The following SNU13 variants were observed in gnomAD, a reference collection of about 807,000 sequenced individuals.
SNU13 encodes small nuclear ribonucleoprotein 13, also known as NHP2-like protein 1.
Under a neutral mutation model 12.4 loss-of-function variants are expected in SNU13, and 2 were observed. The observed-to-expected ratio is 0.16, with a 90% CI of 0.07 to 0.51. The LOEUF is 0.51. Among genes scored for constraint, SNU13 ranks in the 20% least tolerant of loss-of-function variants. SNU13 has a pLI of 0.96. For synonymous variants in SNU13, 68 were observed against 66.5 expected, an observed-to-expected ratio of 1.02 and a Z score of -0.11; for missense variants, 66 against 157.8, an observed-to-expected ratio of 0.42 and a Z score of 3.12.
chr22:41,684,505 G>T (rs1204039401), intron 1 of SNU13, among the ~76,000 whole-genome samples: 1 of 151,826 alleles, frequency 6.6e-6, no homozygotes, highest in South Asian at 2.1e-4. Flanking sequence ...CTGGTATGTG[G>T]TATTTTCATT....
chr22:41,689,085 G>A, upstream of SNU13: 2 of 1,152,848 alleles, frequency 1.7e-6, no homozygotes, highest in Non-Finnish European at 2.1e-6. Flanking sequence ...CCACCGGCCG[G>A]CCGCAGCGGC....
intron 1 of SNU13, among the ~76,000 whole-genome samples, chr22:41,688,498 T>C (rs1231144366): frequency 6.6e-6 from 1 of 152,196 alleles, no homozygotes; most frequent in East Asian, 1.9e-4. Flanking sequence ...TGGGTTGGTC[T>C]CTTTCTCCCA....
chr22:41,687,596 T>TAACGAATGATATC (rs1305101475), intron 1 of SNU13: 1 of 152,172 alleles, frequency 6.6e-6, no homozygotes, highest in Admixed American at 6.5e-5. Flanking sequence ...TTAAATAAAT[T>TAACGAATGATATC]AACGAATGAT....
intron 1 of SNU13, among the ~76,000 whole-genome samples, chr22:41,686,962 A>C (rs1025372322): frequency 6.7e-6 from 1 of 148,952 alleles, no homozygotes; most frequent in Non-Finnish European, 1.5e-5. Context: ...AGTTTTATTT[A>C]TTTATTTTTT....
At chr22:41,678,101 G>C (rs547960848) in intron 2 of SNU13, among the ~76,000 whole-genome samples, 1 of 151,844 alleles carries the variant, frequency 6.6e-6, no homozygotes, top group Non-Finnish European at 1.5e-5. Flanking sequence ...TCAGCCTCCT[G>C]AGCAGCTGGG....
Position 41,688,816 on chromosome 22 carries a change from C to CA in SNU13, c.-21dup. The CA allele has an allele frequency of 6.2e-7, 1 of 1,600,098 alleles. No homozygotes were observed. The highest frequency in any genetic ancestry group is 1.1e-5 in the South Asian group (1 of 90,484). On this transcript the variant is annotated 5_prime_UTR_variant, in exon 1 of 3. Transcript: ENST00000401959. ...CACCATGGCTGCGGTTCCGCGGGCT[C>CA]AGCACTCCTAGGGGAGCGCAGCTGA...
intron 2 of SNU13, 97 bp from the exon 3 acceptor site, chr22:41,675,292 G>A (rs1032537876): frequency 5.6e-6 from 8 of 1,440,024 alleles, no homozygotes; most frequent in Non-Finnish European, 6.6e-6. Context: ...ACAATTATGT[G>A]TCCTAGACCG....
rs1363077421 is a variant in SNU13, at chr22:41,682,487, C to A, written c.4-2123G>T. 3.8e-6 allele frequency: 6 copies of A among 1,576,686 alleles called. No individual in the cohort carries two copies. In the East Asian group the frequency reaches 6.9e-5, roughly 18 times the overall value. On this transcript the variant is annotated intron_variant, in intron 1 of 2. Coordinates refer to ENST00000401959, the MANE Select transcript of SNU13 (RefSeq NM_001003796.2). The stretch of plus-strand genomic sequence containing the variant: ...CCAAGAGCAGGAAGTGACGCCACTG[C>A]CGCCAGCGGAAGTGACGTCCAGGGC...
At chr22:41,682,513 C>A in intron 1 of SNU13, 2 of 1,539,328 alleles carry the variant, frequency 1.3e-6, no homozygotes, top group South Asian at 1.2e-5. Flanking sequence ...CGTCCAGGGC[C>A]AGCCCGTACA....
At chr22:41,686,883 C>T (rs1229114303) in intron 1 of SNU13, among the ~76,000 whole-genome samples, 1 of 152,084 alleles carries the variant, frequency 6.6e-6, no homozygotes, top group East Asian at 1.9e-4. Context: ...CCTCAGCCTC[C>T]CAAAGTGCTG....
At chr22:41,689,876 G>A (rs1312276417), upstream of SNU13, among the ~76,000 whole-genome samples, 1 of 151,810 alleles carries the variant, frequency 6.6e-6, no homozygotes, top group African/African-American at 2.4e-5. Context: ...TACTCGGGAG[G>A]TTGAGGCAGG....
In SNU13 at chr22:41,688,854, A is replaced by T; in HGVS notation, c.-58T>A. Reference sequence around the variant, plus strand: ...GGAGCGCAGCTGACGTTTCAGAAGCACTCGCGTGCACCGGAAAAACTCACA... The same window carrying T: ...GGAGCGCAGCTGACGTTTCAGAAGCTCTCGCGTGCACCGGAAAAACTCACA... On this transcript the variant is annotated 5_prime_UTR_variant, in exon 1 of 3. Transcript: ENST00000401959. The T allele has an allele frequency of 6.5e-7, 1 of 1,538,204 alleles. No homozygotes were observed. Among genetic ancestry groups the T allele is most frequent in the Non-Finnish European group, 8.8e-7 (1 of 1,133,398 alleles).
upstream of SNU13, among the ~76,000 whole-genome samples, chr22:41,689,770 G>T (rs373571061): frequency 2.0e-5 from 3 of 151,786 alleles, no homozygotes; most frequent in African/African-American, 7.2e-5. Flanking sequence ...CTGAGGTTGG[G>T]AGTTCGATAC....
intron 1 of SNU13, among the ~76,000 whole-genome samples, chr22:41,682,016 A>T (rs1356984500): frequency 6.6e-6 from 1 of 151,726 alleles, no homozygotes; most frequent in Non-Finnish European, 1.5e-5. Flanking sequence ...TTACAAACAC[A>T]TATTTATATA....
intron 1 of SNU13, chr22:41,682,204 C>A: frequency 1.3e-6 from 1 of 774,076 alleles, no homozygotes; most frequent in South Asian, 1.5e-5. Context: ...TCATCTATAG[C>A]GCCTGCCTCG....
Position 41,688,819 on chromosome 22 carries a change from C to T in SNU13, c.-23G>A, listed in dbSNP as rs2068335091. The T allele has an allele frequency of 6.3e-7, 1 of 1,598,754 alleles. No homozygotes were observed. The highest frequency in any genetic ancestry group is 2.2e-5 in the East Asian group (1 of 44,652). On this transcript the variant is annotated 5_prime_UTR_variant, in exon 1 of 3. Coordinates refer to ENST00000401959, the MANE Select transcript of SNU13 (RefSeq NM_001003796.2). Reference sequence around the variant, plus strand: ...CATGGCTGCGGTTCCGCGGGCTCAGCACTCCTAGGGGAGCGCAGCTGACGT... The same window carrying T: ...CATGGCTGCGGTTCCGCGGGCTCAGTACTCCTAGGGGAGCGCAGCTGACGT...
chr22:41,674,835 A>AT lies in SNU13; in HGVS notation c.*97dup. On this transcript the variant is annotated 3_prime_UTR_variant, in exon 3 of 3. Transcript: ENST00000401959. Reference sequence around the variant, plus strand: ...AGATTTAGTACTACATTTTATAACAATAGAGAGTAGCTGAAAATACTACAT... The same window carrying AT: ...AGATTTAGTACTACATTTTATAACAATTAGAGAGTAGCTGAAAATACTACAT... 1 of 1,474,724 alleles carries AT rather than the reference A, an allele frequency of 6.8e-7. No homozygotes were observed. The highest frequency in any genetic ancestry group is 9.2e-7 in the Non-Finnish European group (1 of 1,089,302). 91.4% of individuals were successfully genotyped at this position (1,474,724 alleles called of 1,614,324 possible).
At chr22:41,690,371 G>T, upstream of SNU13, 1 of 717,438 alleles carries the variant, frequency 1.4e-6, no homozygotes, top group South Asian at 1.5e-5. Context: ...CCAGAGGATG[G>T]GTTTGTTTAA....
intron 1 of SNU13, among the ~76,000 whole-genome samples, chr22:41,680,709 T>A (rs2068256459): frequency 6.6e-6 from 1 of 152,342 alleles, no homozygotes; most frequent in East Asian, 1.9e-4. Flanking sequence ...CTGTTTTTAT[T>A]TTTTAGATGG....
Sources: gnomAD v4.1 joint callset for allele counts (sites outside exome capture counted in the v4.1 genomes callset) on GRCh38, gnomAD v4.1.1 for gene constraint, MANE v1.5 for transcripts, NCBI Gene and HGNC (gene_info 2026-07-23, HGNC 2026-07-21) for gene names.